The following TENM2 variants were observed in gnomAD, a reference collection of about 807,000 sequenced individuals.
The protein encoded by TENM2 is teneurin transmembrane protein 2, also known as teneurin-2.
In TENM2, 52 loss-of-function variants were observed where a neutral mutation model predicts 245.2. The observed-to-expected ratio is 0.21, with a 90% CI of 0.17 to 0.27. The LOEUF (loss-of-function observed/expected upper bound fraction) is 0.27. Ranked by LOEUF, TENM2 falls within the 10% of genes least tolerant of loss-of-function variation. The pLI, the probability that TENM2 is intolerant of heterozygous loss-of-function variation, is 1.00. For missense variants in TENM2, 3,046 were observed against 3,666.8 expected, an observed-to-expected ratio of 0.83 and a Z score of 4.37; for synonymous variants, 1,363 against 1,438.9, an observed-to-expected ratio of 0.95 and a Z score of 1.19.
chr5:167,917,292 C>T (rs554522310), intron 3 of TENM2, among the ~76,000 whole-genome samples: 3 of 151,700 alleles, frequency 2.0e-5, no homozygotes, highest in African/African-American at 4.8e-5. Flanking sequence ...CCTCAGAAGC[C>T]GAGCAAAAAG....
intron 1 of TENM2, among the ~76,000 whole-genome samples, chr5:167,330,679 G>A (rs953985577): frequency 6.6e-6 from 1 of 152,130 alleles, no homozygotes; most frequent in African/African-American, 2.4e-5. Flanking sequence ...TCATGCTTTA[G>A]ATTAGATGCT....
At chr5:167,949,977 T>G (rs980058135) in intron 3 of TENM2, among the ~76,000 whole-genome samples, 57 of 152,300 alleles carry the variant, frequency 3.7e-4, no homozygotes, top group Non-Finnish European at 5.4e-4. Context: ...ATAATTTTTG[T>G]TTTTGTTGCT....
At chr5:167,213,924 C>T in the TENM2 span, among the ~76,000 whole-genome samples, 3 of 152,302 alleles carry the variant, frequency 2.0e-5, no homozygotes, top group South Asian at 4.1e-4. Context: ...TGATGGCCAA[C>T]GATTTGCCAA....
rs938984182 is a variant in TENM2, at chr5:167,409,552, A to G, written c.502+34079A>G. On this transcript the variant is annotated intron_variant, in intron 2 of 28. Coordinates refer to ENST00000518659, the Ensembl canonical transcript of TENM2. ...GCTTTAAAAAAACAAAGAGAAACTC[A>G]CACAGAAAGGAGACTGGAAGCATGT... Among the ~76,000 whole-genome samples the G allele has an allele frequency of 2.6e-5, 4 of 152,044 alleles. No homozygotes were observed. The East Asian group carries it at 5.8e-4, about 22-fold the overall frequency.
chr5:167,258,478 C>T, the TENM2 span, among the ~76,000 whole-genome samples: 5 of 152,042 alleles, frequency 3.3e-5, no homozygotes, highest in Admixed American at 3.3e-4. Context: ...GTCCCCATAC[C>T]CTGGTGCAGT....
the TENM2 span, among the ~76,000 whole-genome samples, chr5:167,037,392 C>A: frequency 6.6e-6 from 1 of 152,136 alleles, no homozygotes; most frequent in Non-Finnish European, 1.5e-5. Flanking sequence ...TCCTATAAAT[C>A]ACTTCTGTTT....
intron 25 of TENM2, chr5:168,241,182 T>G (rs1418208797): frequency 6.6e-6 from 1 of 152,168 alleles, no homozygotes; most frequent in Non-Finnish European, 1.5e-5. Context: ...GAAGTTAGGG[T>G]TCCTTATAAT....
At chr5:167,178,538 C>T in the TENM2 span, among the ~76,000 whole-genome samples, 3 of 152,112 alleles carry the variant, frequency 2.0e-5, no homozygotes, top group Non-Finnish European at 4.4e-5. Flanking sequence ...TGCGGAGCCT[C>T]ACCATCACAA....
intron 1 of TENM2, among the ~76,000 whole-genome samples, chr5:167,323,480 T>C (rs1364347043): frequency 1.3e-5 from 2 of 152,162 alleles, no homozygotes; most frequent in African/African-American, 2.4e-5. Context: ...CTCCCTAAAA[T>C]AGTGCTGAGA....
chr5:167,436,974 AG>A (rs1764597676), intron 2 of TENM2, among the ~76,000 whole-genome samples: 1 of 152,190 alleles, frequency 6.6e-6, no homozygotes, highest in Non-Finnish European at 1.5e-5. Flanking sequence ...AACCTCTGCT[AG>A]GGCAGTGTAG....
At position 167,417,519 on chromosome 5, in the gene TENM2, C is replaced by G. The variant is rs528742845; in HGVS notation, c.502+42046C>G. Among the ~76,000 whole-genome samples the G allele has an allele frequency of 2.0e-5, 3 of 152,260 alleles. No homozygotes were observed. The South Asian group carries it at 6.2e-4, about 32-fold the overall frequency. ...CCTACAGAACTTATGTGCTTTTTCTCTCCTCTATCTTACCCTTTCCCTAGC... is the reference window on the plus strand; with the variant it reads ...CCTACAGAACTTATGTGCTTTTTCTGTCCTCTATCTTACCCTTTCCCTAGC... On this transcript the variant is annotated intron_variant, in intron 2 of 28. Transcript: ENST00000518659.
intron 2 of TENM2, among the ~76,000 whole-genome samples, chr5:167,590,084 C>A (rs1775776672): frequency 6.8e-6 from 1 of 147,132 alleles, no homozygotes; most frequent in Admixed American, 7.0e-5. Context: ...ATTTACTTAC[C>A]ACTGAATTCT....
At chr5:167,377,930 A>G (rs1272935948) in intron 2 of TENM2, among the ~76,000 whole-genome samples, 1 of 152,184 alleles carries the variant, frequency 6.6e-6, no homozygotes, top group Non-Finnish European at 1.5e-5. Flanking sequence ...CCTTTTAGGT[A>G]TGCCTTTCTT....
chr5:168,199,997 T>G lies in TENM2; in HGVS notation c.3296T>G (p.Val1099Gly). Residue 1099 changes from valine to glycine, a missense_variant, in exon 17 of 29, where the codon GTT (valine) becomes GGT (glycine). By Grantham distance (109) the Val-to-Gly change is moderately radical. This residue lies in a region of TENM2 where 2,704 missense variants were observed against 3,331.9 expected (regional missense o/e 0.81). Coordinates refer to ENST00000518659, the Ensembl canonical transcript of TENM2. ...ACAGTGCCCCTGAACCTCATTAGGGTTCACCTGATGGTGGCTGTCGAGGGG... is the reference window on the plus strand; with the variant it reads ...ACAGTGCCCCTGAACCTCATTAGGGGTCACCTGATGGTGGCTGTCGAGGGG... 6.2e-7 allele frequency: 1 copy of G among 1,613,988 alleles called. No homozygotes were observed. Among genetic ancestry groups the G allele is most frequent in the Non-Finnish European group, 8.5e-7 (1 of 1,179,884 alleles).
At chr5:167,871,591 C>T (rs1772831447) in intron 2 of TENM2, among the ~76,000 whole-genome samples, 1 of 152,172 alleles carries the variant, frequency 6.6e-6, no homozygotes, top group Admixed American at 6.5e-5. Context: ...CACACACACC[C>T]ACACATACAC....
rs368033165 is a variant in TENM2, at chr5:168,226,539, C to T, written c.5284+276C>T. ...ATCTGAAAATGTCCATTTCCACCCG[C>T]CCCCCACATACTCTCTCCCTACCTC... On this transcript the variant is annotated intron_variant, in intron 24 of 28. Coordinates refer to ENST00000518659, the Ensembl canonical transcript of TENM2. Among the ~76,000 whole-genome samples the T allele has an allele frequency of 1.2e-4, 18 of 152,160 alleles. No homozygotes were observed. In the East Asian group the frequency reaches 1.4e-3, roughly 11 times the overall value.
chr5:167,426,740 C>T (rs1763849691), intron 2 of TENM2, among the ~76,000 whole-genome samples: 1 of 152,094 alleles, frequency 6.6e-6, no homozygotes, highest in African/African-American at 2.4e-5. Context: ...TTCATCGTAC[C>T]TGTGTTTACT....
the TENM2 span, among the ~76,000 whole-genome samples, chr5:167,064,493 TG>T: frequency 6.6e-6 from 1 of 152,190 alleles, no homozygotes; most frequent in African/African-American, 2.4e-5. Flanking sequence ...TACTTAAAAA[TG>T]GAGTATTTTG....
At chr5:168,004,024 A>C (rs1413971110) in intron 5 of TENM2, among the ~76,000 whole-genome samples, 1 of 152,184 alleles carries the variant, frequency 6.6e-6, no homozygotes, top group Non-Finnish European at 1.5e-5. Flanking sequence ...AGATGGAAAG[A>C]CTGAATGTGG....
Sources: allele counts gnomAD v4.1 joint callset (sites outside exome capture counted in the v4.1 genomes callset), GRCh38; gene constraint gnomAD v4.1.1; regional missense constraint gnomAD v4.1.1; transcripts MANE v1.5; gene names NCBI Gene and HGNC (gene_info 2026-07-23, HGNC 2026-07-21).